MPP7: variants seen among roughly 807,000 people sequenced by gnomAD.
MPP7 encodes the protein MAGUK p55 subfamily member 7.
MPP7 carries 60 observed loss-of-function variants against 76.5 expected under a neutral mutation model. The observed-to-expected ratio is 0.78, with a 90% confidence interval of 0.64 to 0.97. The LOEUF is 0.97. Ranked by LOEUF, MPP7 falls within the 50% of genes least tolerant of loss-of-function variation. The pLI is 0.00. For synonymous variants in MPP7, 237 were observed against 244.5 expected, an observed-to-expected ratio of 0.97 and a Z score of 0.29; for missense variants, 641 against 694.0, an observed-to-expected ratio of 0.92 and a Z score of 0.86.
In MPP7 at chr10:28,282,754, CTG is replaced by C. The variant is rs1840707497; in HGVS notation, c.-132+20105_-132+20106del. Among the ~76,000 whole-genome samples, 3 of 151,960 alleles carry C rather than the reference CTG, an allele frequency of 2.0e-5. No homozygotes were observed. The South Asian group carries it at 6.2e-4, about 31-fold the overall frequency. On this transcript the variant is annotated intron_variant, in intron 1 of 16. Transcript: ENST00000683449. ...ATCTTCTCCCTTACACTGTTCGGAT[CTG>C]TGTTACTCCTCAGTTCAACCCCTCG...
chr10:28,144,871 A>G (rs1317931677), intron 5 of MPP7, among the ~76,000 whole-genome samples: 3 of 152,154 alleles, frequency 2.0e-5, no homozygotes, highest in African/African-American at 7.2e-5. Context: ...CTGCATCCAT[A>G]GGGCCTGGCA....
rs1564606337 is a variant in MPP7 at position 28,053,801 on chromosome 10, G to A, written c.*264C>T. ...CTCTGAAAATTTCAGCCTCATCTTG[G>A]AGATAGAGCGGTATTGAAGACAACG... is the stretch of plus-strand genomic sequence containing the variant. On this transcript the variant is annotated 3_prime_UTR_variant, in exon 17 of 17. Coordinates refer to ENST00000683449, the MANE Select transcript of MPP7 (RefSeq NM_001318170.2). The A allele has an allele frequency of 5.0e-6, 2 of 402,566 alleles. No individual in the cohort carries two copies. Among genetic ancestry groups the A allele is most frequent in the South Asian group, 7.1e-5 (2 of 28,128 alleles). 24.9% of individuals were successfully genotyped at this position (402,566 alleles called of 1,614,324 possible).
At chr10:28,199,431 A>G (rs953275658) in intron 3 of MPP7, among the ~76,000 whole-genome samples, 2 of 152,080 alleles carry the variant, frequency 1.3e-5, no homozygotes, top group Non-Finnish European at 2.9e-5. Context: ...GAGGATCACC[A>G]TATTTCCTTT....
chr10:28,304,996 G>A (rs964830883), upstream of MPP7, among the ~76,000 whole-genome samples: 4 of 152,116 alleles, frequency 2.6e-5, no homozygotes, highest in Non-Finnish European at 5.9e-5. Context: ...CTTCCAGACC[G>A]GGATCAGGGC....
chr10:28,257,601 G>T (rs1308118106), intron 1 of MPP7, among the ~76,000 whole-genome samples: 1 of 115,248 alleles, frequency 8.7e-6, no homozygotes, highest in South Asian at 3.6e-4. Flanking sequence ...GTGGTGGGGT[G>T]GGGGGAGGGG....
intron 1 of MPP7, among the ~76,000 whole-genome samples, chr10:28,297,761 CT>C (rs776099845): frequency 2.6e-5 from 4 of 152,194 alleles, no homozygotes; most frequent in Admixed American, 6.6e-5. Flanking sequence ...AAAGATCTCT[CT>C]TTTGGTAGCA....
chr10:28,078,155 C>T (rs937202063), intron 12 of MPP7, among the ~76,000 whole-genome samples: 2 of 152,196 alleles, frequency 1.3e-5, no homozygotes, highest in African/African-American at 2.4e-5. Flanking sequence ...AACATGAACT[C>T]GGGTAGCTGT....
chr10:28,262,230 T>C (rs1257154825), intron 1 of MPP7, among the ~76,000 whole-genome samples: 6 of 76,252 alleles, frequency 7.9e-5, no homozygotes, highest in African/African-American at 4.0e-4. Context: ...TATATACATA[T>C]ATATATATAT....
intron 2 of MPP7, among the ~76,000 whole-genome samples, chr10:28,324,780 C>T (rs1161594005): frequency 6.6e-6 from 1 of 152,144 alleles, no homozygotes; most frequent in Non-Finnish European, 1.5e-5. Flanking sequence ...AGAACTCTAC[C>T]CACTGGTTTA....
chr10:28,182,207 A>C (rs1837082646), intron 3 of MPP7, among the ~76,000 whole-genome samples: 1 of 152,174 alleles, frequency 6.6e-6, no homozygotes, highest in African/African-American at 2.4e-5. Context: ...AAAGGATATA[A>C]AAAGGAAACT....
chr10:28,095,998 C>T (rs1042094054), intron 11 of MPP7, among the ~76,000 whole-genome samples: 8 of 152,038 alleles, frequency 5.3e-5, no homozygotes, highest in Admixed American at 1.3e-4. Context: ...CAGGTCAGTC[C>T]CTAATCACAG....
chr10:28,169,983 T>A (rs1388968112), intron 3 of MPP7, among the ~76,000 whole-genome samples: 1 of 152,182 alleles, frequency 6.6e-6, no homozygotes, highest in African/African-American at 2.4e-5. Flanking sequence ...TAGAAAGCAC[T>A]TTTTATTTGT....
At chr10:28,239,069 A>G (rs536916908) in intron 1 of MPP7, among the ~76,000 whole-genome samples, 1 of 152,210 alleles carries the variant, frequency 6.6e-6, no homozygotes, top group African/African-American at 2.4e-5. Context: ...CTGTGTTACT[A>G]TAATTCTCAG....
intron 11 of MPP7, among the ~76,000 whole-genome samples, chr10:28,109,260 C>A (rs1018435730): frequency 6.6e-6 from 1 of 152,108 alleles, no homozygotes; most frequent in Non-Finnish European, 1.5e-5. Context: ...TGCACTCCAA[C>A]CTGGGCAACA....
chr10:28,105,363 A>G (rs970307306), intron 11 of MPP7, among the ~76,000 whole-genome samples: 21 of 152,166 alleles, frequency 1.4e-4, no homozygotes, highest in Non-Finnish European at 2.6e-4. Flanking sequence ...CTTTGCTATT[A>G]TAGCACAAGC....
intron 1 of MPP7, among the ~76,000 whole-genome samples, chr10:28,276,872 A>G (rs1840516814): frequency 6.6e-6 from 1 of 152,096 alleles, no homozygotes; most frequent in Admixed American, 6.5e-5. Context: ...TGCCAGCTAT[A>G]GGACTTGACA....
At chr10:28,069,008 C>T (rs1399732273) in intron 13 of MPP7, among the ~76,000 whole-genome samples, 2 of 152,266 alleles carry the variant, frequency 1.3e-5, no homozygotes, top group African/African-American at 4.8e-5. Context: ...GATAATGTCA[C>T]TATATACTTC....
chr10:28,260,748 G>A (rs991425978), intron 1 of MPP7, among the ~76,000 whole-genome samples: 7 of 140,642 alleles, frequency 5.0e-5, no homozygotes, highest in Non-Finnish European at 9.1e-5. Context: ...CTCCAGCTTG[G>A]GTAACAGAGA....
intron 2 of MPP7, among the ~76,000 whole-genome samples, chr10:28,227,781 AT>A (rs1488266220): frequency 6.6e-6 from 1 of 152,228 alleles, no homozygotes; most frequent in Non-Finnish European, 1.5e-5. Flanking sequence ...TAATAAACAC[AT>A]GCATGCATGT....
Sources: gnomAD v4.1 joint callset for allele counts (sites outside exome capture counted in the v4.1 genomes callset) on GRCh38, gnomAD v4.1.1 for gene constraint, MANE v1.5 for transcripts, NCBI Gene and HGNC (gene_info 2026-07-23, HGNC 2026-07-21) for gene names.